Variants in HSF2BP observed in about 807,000 individuals in gnomAD.
HSF2BP encodes heat shock transcription factor 2 binding protein.
A neutral mutation model predicts 35.0 loss-of-function variants in HSF2BP; 35 were observed. The observed-to-expected ratio is 1.00, with a 90% CI of 0.76 to 1.32. The LOEUF (loss-of-function observed/expected upper bound fraction) is 1.32, where lower values mean the gene tolerates loss of function less well. Among genes scored for constraint, HSF2BP ranks in the 40% most tolerant of loss-of-function variants. The pLI, the probability that HSF2BP is intolerant of heterozygous loss-of-function variation, is 0.00. For missense variants in HSF2BP, 326 were observed against 321.7 expected, an observed-to-expected ratio of 1.01 and a Z score of -0.10; for synonymous variants, 114 against 117.4, an observed-to-expected ratio of 0.97 and a Z score of 0.18.
chr21:43,633,130 A>G (rs7277539), intron 5 of HSF2BP, 142 bp downstream of exon 5: 509,262 of 793,656 alleles, frequency 0.64, 165,717 homozygotes, highest in East Asian at 0.78. Flanking sequence ...ATATACGATA[A>G]GTATTCAATA....
chr21:43,596,833 T>C (rs115033958), intron 7 of HSF2BP, among the ~76,000 whole-genome samples: 1,979 of 146,230 alleles, frequency 0.014, 29 homozygotes, highest in African/African-American at 0.046. Flanking sequence ...TGCAGGGTTG[T>C]GACGGTGCCA....
At chr21:43,468,043 CACA>C in the HSF2BP span, among the ~76,000 whole-genome samples, 1 of 136,588 alleles carries the variant, frequency 7.3e-6, no homozygotes, top group Non-Finnish European at 1.6e-5. Context: ...CCACACCACA[CACA>C]ACCATACCAC....
At chr21:43,636,795 G>C (rs28782771) in intron 4 of HSF2BP, among the ~76,000 whole-genome samples, 1 of 151,274 alleles carries the variant, frequency 6.6e-6, no homozygotes, top group Admixed American at 6.6e-5. Flanking sequence ...AGGAGGCTGA[G>C]GCAGAAGAAT....
At chr21:43,621,416 A>T (rs1364056641) in intron 6 of HSF2BP, among the ~76,000 whole-genome samples, 1 of 151,872 alleles carries the variant, frequency 6.6e-6, no homozygotes, top group Non-Finnish European at 1.5e-5. Flanking sequence ...GGTCTCAGCT[A>T]CTCAGGAGGC....
rs891588328 is a variant in HSF2BP, at chr21:43,659,475, C to G, written c.-314G>C. 2.3e-6 allele frequency: 1 copy of G among 429,702 alleles called. No individual in the cohort carries two copies. The highest frequency in any genetic ancestry group is 3.4e-6 in the Non-Finnish European group (1 of 292,418). 26.6% of individuals were successfully genotyped at this position (429,702 alleles called of 1,614,324 possible). ...TGGGCCGCTCCGCCAGCTGCCAGGGCCACTGCCGCGCTCACTCCCAGAGCG... is the reference window on the plus strand; with the variant it reads ...TGGGCCGCTCCGCCAGCTGCCAGGGGCACTGCCGCGCTCACTCCCAGAGCG... On this transcript the variant is annotated 5_prime_UTR_variant, in exon 1 of 9. Transcript: ENST00000291560. This position sits in a 1 kb window ranked among gnomAD's most constrained non-coding sequence, Gnocchi z 4.2.
rs758227109 is a variant in HSF2BP at position 43,618,219 on chromosome 21, C to T, written c.575-4272G>A. Among the ~76,000 whole-genome samples, 72 of 151,756 alleles carry T rather than the reference C, an allele frequency of 4.7e-4. 1 individual carries two copies. Among genetic ancestry groups the T allele is most frequent in the Non-Finnish European group, 9.0e-4 (61 of 67,980 alleles). ...AGGCTACAGCGAATTATGATCAGGCCACTGTACTCCAGCCTGGGCAATTAA... is the reference window on the plus strand; with the variant it reads ...AGGCTACAGCGAATTATGATCAGGCTACTGTACTCCAGCCTGGGCAATTAA... On this transcript the variant is annotated intron_variant, in intron 6 of 8. Transcript: ENST00000291560.
At chr21:43,640,730 C>T (rs2082625080) in intron 4 of HSF2BP, among the ~76,000 whole-genome samples, 1 of 151,658 alleles carries the variant, frequency 6.6e-6, no homozygotes, top group Non-Finnish European at 1.5e-5. Flanking sequence ...TTTGAAACTT[C>T]TAGTGAATCT....
At chr21:43,623,001 T>C (rs2082348420) in intron 6 of HSF2BP, among the ~76,000 whole-genome samples, 2 of 151,768 alleles carry the variant, frequency 1.3e-5, no homozygotes, top group South Asian at 4.1e-4. Flanking sequence ...GATAGGATCT[T>C]GCCATGTGCC....
chr21:43,599,789 G>A (rs1189493386), intron 7 of HSF2BP, among the ~76,000 whole-genome samples: 5 of 148,698 alleles, frequency 3.4e-5, no homozygotes, highest in Non-Finnish European at 7.4e-5. Context: ...GTGAGACTCG[G>A]TCTCAAAAAA....
chr21:43,595,713 A>C (rs1382500139), intron 7 of HSF2BP, among the ~76,000 whole-genome samples: 1 of 146,100 alleles, frequency 6.8e-6, no homozygotes, highest in Non-Finnish European at 1.5e-5. Context: ...CATCTTTAAA[A>C]ATTAAGAGGC....
At chr21:43,575,299 T>C (rs968310446) in intron 8 of HSF2BP, among the ~76,000 whole-genome samples, 1 of 152,238 alleles carries the variant, frequency 6.6e-6, no homozygotes, top group African/African-American at 2.4e-5. Context: ...CATCCCTTCA[T>C]GCTGAAAGGG....
At position 43,613,884 on chromosome 21, in the gene HSF2BP, G is replaced by T. The variant is rs775654494; in HGVS notation, c.638C>A (p.Thr213Asn). ...LVNSSRVLLD[T>N]ILQLLGDLKP... ...CAAGTCTCCCAGAAGCTGCAATATG[G>T]TGTCCAAGAGCACCCGGCTTGAATT... Residue 213 changes from threonine (T) to asparagine (N), a missense_variant, in exon 7 of 9, where the codon ACC becomes AAC. Coordinates refer to ENST00000291560, the MANE Select transcript of HSF2BP (RefSeq NM_007031.2). 1.2e-6 allele frequency: 2 copies of T among 1,613,384 alleles called. No homozygotes were observed. Among genetic ancestry groups the T allele is most frequent in the African/African-American group, 2.7e-5 (2 of 74,880 alleles).
the HSF2BP span, among the ~76,000 whole-genome samples, chr21:43,458,111 C>T: frequency 3.9e-5 from 4 of 102,072 alleles, 2 homozygotes; most frequent in Non-Finnish European, 8.2e-5. Context: ...CCTGGGCCCC[C>T]GACTTCCCTT....
chr21:43,623,512 G>A (rs770039749), intron 6 of HSF2BP, among the ~76,000 whole-genome samples: 7 of 152,154 alleles, frequency 4.6e-5, no homozygotes, highest in South Asian at 2.1e-4. Context: ...ATGAAACCTC[G>A]AGAGCCTCAA....
intron 2 of HSF2BP, among the ~76,000 whole-genome samples, chr21:43,657,082 C>T (rs2082880575): frequency 6.6e-6 from 1 of 152,114 alleles, no homozygotes; most frequent in African/African-American, 2.4e-5. Context: ...TGAAAACGTG[C>T]CCAGGAGGCC....
chr21:43,591,477 C>G (rs1218062387), intron 8 of HSF2BP, among the ~76,000 whole-genome samples: 1 of 152,170 alleles, frequency 6.6e-6, no homozygotes, highest in Non-Finnish European at 1.5e-5. Flanking sequence ...TGTAGGGACA[C>G]CAGTAAATTA....
In HSF2BP at chr21:43,607,172, C is replaced by T. The variant is rs2082145208; in HGVS notation, c.692+6658G>A. Among the ~76,000 whole-genome samples the T allele has an allele frequency of 2.0e-5, 3 of 152,106 alleles. No individual in the cohort carries two copies. In the South Asian group the frequency reaches 6.2e-4, roughly 32 times the overall value. On this transcript the variant is annotated intron_variant, in intron 7 of 8. Coordinates refer to ENST00000291560, the MANE Select transcript of HSF2BP (RefSeq NM_007031.2). ...AGGTGTGGTGGCACACACCTGTAGT[C>T]CCAGCTACTCAGGATGCTCAGGCAG...
chr21:43,603,913 C>T (rs2082081387), intron 7 of HSF2BP, among the ~76,000 whole-genome samples: 1 of 152,082 alleles, frequency 6.6e-6, no homozygotes, highest in Admixed American at 6.6e-5. Context: ...GGACATGTGG[C>T]CCAATAGCAG....
intron 7 of HSF2BP, among the ~76,000 whole-genome samples, chr21:43,613,293 C>T (rs991048571): frequency 3.9e-5 from 6 of 152,098 alleles, no homozygotes; most frequent in African/African-American, 1.4e-4. Flanking sequence ...ACAGGGAACT[C>T]GCTCCTAGAA....
Sources: gnomAD v4.1 joint callset for allele counts (sites outside exome capture counted in the v4.1 genomes callset) on GRCh38, gnomAD v4.1.1 for gene constraint, Gnocchi (gnomAD v3.1) non-coding constraint, MANE v1.5 for transcripts, NCBI Gene and HGNC (gene_info 2026-07-23, HGNC 2026-07-21) for gene names.